Variants in EIF4EBP1 observed in about 807,000 individuals in gnomAD.
EIF4EBP1 encodes the protein eukaryotic translation initiation factor 4E binding protein 1.
EIF4EBP1 carries 5 observed loss-of-function variants against 9.2 expected under a neutral mutation model. The observed-to-expected ratio is 0.54, with a 90% confidence interval of 0.28 to 1.14. EIF4EBP1 has a LOEUF of 1.14. Among genes scored for constraint, EIF4EBP1 ranks in the 50% most tolerant of loss-of-function variants. EIF4EBP1 has a pLI of 0.09. For synonymous variants in EIF4EBP1, 62 were observed against 67.0 expected (o/e 0.93, Z 0.36); for missense variants, 139 against 169.6 (o/e 0.82, Z 1.00).
intron 1 of EIF4EBP1, among the ~76,000 whole-genome samples, chr8:38,052,223 G>A (rs1425253742): frequency 6.6e-6 from 1 of 151,680 alleles, no homozygotes; most frequent in Non-Finnish European, 1.5e-5. Flanking sequence ...CCAGCACCAA[G>A]TAGCTCTGCA....
At chr8:38,045,081 A>G (rs1487809015) in intron 1 of EIF4EBP1, among the ~76,000 whole-genome samples, 1 of 152,194 alleles carries the variant, frequency 6.6e-6, no homozygotes, top group African/African-American at 2.4e-5. Context: ...TTTCTCTTTA[A>G]CAGCAATTAT....
chr8:38,049,887 A>G (rs1284733144), intron 1 of EIF4EBP1, among the ~76,000 whole-genome samples: 1 of 149,188 alleles, frequency 6.7e-6, no homozygotes, highest in Admixed American at 6.8e-5. Context: ...CTTTTTGCCT[A>G]TTGTTCATCT....
chr8:38,056,006 C>T (rs990023805), intron 1 of EIF4EBP1, among the ~76,000 whole-genome samples: 3 of 151,924 alleles, frequency 2.0e-5, no homozygotes, highest in Admixed American at 6.6e-5. Context: ...GGCTCTTCTC[C>T]GCAAAGCCCA....
At chr8:38,042,426 C>T (rs1252747731) in intron 1 of EIF4EBP1, among the ~76,000 whole-genome samples, 1 of 152,104 alleles carries the variant, frequency 6.6e-6, no homozygotes, top group African/African-American at 2.4e-5. Flanking sequence ...GTAGAGTGGG[C>T]CTGCCTTAGT....
intron 1 of EIF4EBP1, among the ~76,000 whole-genome samples, chr8:38,053,216 C>T (rs77899531): frequency 6.6e-5 from 10 of 151,836 alleles, no homozygotes; most frequent in Non-Finnish European, 1.5e-4. Flanking sequence ...CAGGGTTTCA[C>T]CGTGTTGACC....
rs544157525 is a variant in EIF4EBP1, at chr8:38,060,328, G to C, written c.*393G>C. 1.4e-5 allele frequency: 4 copies of C among 280,350 alleles called. No homozygotes were observed. The East Asian group carries it at 3.5e-4, about 25-fold the overall frequency. The allele number at this position is 280,350 out of a possible 1,614,324, so 17.4% of individuals were successfully genotyped here. A position where few individuals can be genotyped will look rare whatever the true frequency, so the allele number is the denominator to read the frequency against. On this transcript the variant is annotated 3_prime_UTR_variant, in exon 3 of 3. Coordinates refer to ENST00000338825, the MANE Select transcript of EIF4EBP1 (RefSeq NM_004095.4). ...AAGCTCCCTCCCCCTCCTTCCCCAA[G>C]AGAGGAAATAAAAGCCACCTTCGCC...
chr8:38,042,398 GC>G (rs1211320888), intron 1 of EIF4EBP1, among the ~76,000 whole-genome samples: 4 of 152,166 alleles, frequency 2.6e-5, no homozygotes, highest in Non-Finnish European at 4.4e-5. Flanking sequence ...TCTCTCTTCT[GC>G]CCTTCTGAAC....
In EIF4EBP1 at chr8:38,056,372, TCCC is replaced by T. The variant is rs1809594809; in HGVS notation, c.146-708_146-706del. Among the ~76,000 whole-genome samples, 5 of 152,334 alleles carry T rather than the reference TCCC, an allele frequency of 3.3e-5. No homozygotes were observed. The South Asian group carries it at 1.0e-3, about 32-fold the overall frequency. On this transcript the variant is annotated intron_variant, in intron 1 of 2. Coordinates refer to ENST00000338825, the MANE Select transcript of EIF4EBP1 (RefSeq NM_004095.4). Reference sequence around the variant, plus strand: ...TTGTAAAATGCAGCTATTCTGGGTATCCCACAGGAGTGCTGTAAGGACAGGACT... The same window carrying T: ...TTGTAAAATGCAGCTATTCTGGGTATACAGGAGTGCTGTAAGGACAGGACT...
intron 1 of EIF4EBP1, among the ~76,000 whole-genome samples, chr8:38,055,209 T>C (rs1181252301): frequency 1.3e-5 from 2 of 152,196 alleles, no homozygotes; most frequent in Non-Finnish European, 2.9e-5. Context: ...GAGCCCCGTT[T>C]CAGGAACTCA....
At chr8:38,055,065 C>A (rs1182073241) in intron 1 of EIF4EBP1, among the ~76,000 whole-genome samples, 1 of 152,146 alleles carries the variant, frequency 6.6e-6, no homozygotes, top group African/African-American at 2.4e-5. Flanking sequence ...TGCAAGGGGA[C>A]AGGAGAGTAA....
chr8:38,034,598 T>C (rs1046200501), intron 1 of EIF4EBP1, among the ~76,000 whole-genome samples: 1 of 152,180 alleles, frequency 6.6e-6, no homozygotes, highest in African/African-American at 2.4e-5. Context: ...CATGTTTGAC[T>C]CTGAAGCCTA....
chr8:38,035,137 C>T (rs1809281116), intron 1 of EIF4EBP1, among the ~76,000 whole-genome samples: 1 of 152,168 alleles, frequency 6.6e-6, no homozygotes, highest in Admixed American at 6.5e-5. Context: ...GCATTCCACA[C>T]TGTGTCCCTT....
At chr8:38,036,182 T>A (rs757341231) in intron 1 of EIF4EBP1, among the ~76,000 whole-genome samples, 21 of 152,064 alleles carry the variant, frequency 1.4e-4, no homozygotes, top group Non-Finnish European at 2.9e-4. Context: ...GACAGGGTCA[T>A]GCTTTGCTTC....
chr8:38,045,464 G>T (rs540974583), intron 1 of EIF4EBP1, among the ~76,000 whole-genome samples: 1 of 152,092 alleles, frequency 6.6e-6, no homozygotes, highest in Non-Finnish European at 1.5e-5. Context: ...CAGAACTTTG[G>T]GAGGCCGAGG....
At chr8:38,049,089 C>T (rs1391097610) in intron 1 of EIF4EBP1, among the ~76,000 whole-genome samples, 1 of 148,796 alleles carries the variant, frequency 6.7e-6, no homozygotes, top group Non-Finnish European at 1.5e-5. Context: ...TGCGCCATTG[C>T]ACTCCATCCT....
At chr8:38,053,468 T>C (rs928656932) in intron 1 of EIF4EBP1, among the ~76,000 whole-genome samples, 1 of 150,434 alleles carries the variant, frequency 6.6e-6, no homozygotes, top group Non-Finnish European at 1.5e-5. Context: ...TTCTCCTGCC[T>C]CAGTCCAGAG....
rs780207413 is a variant in EIF4EBP1 at position 38,057,036 on chromosome 8, C to T, written c.146-45C>T. 1.6e-5 allele frequency: 26 copies of T among 1,593,116 alleles called. No homozygotes were observed. The East Asian group carries it at 3.4e-4, about 21-fold the overall frequency. ...TTTAAAAAGTGGAAAAACCGGCAGG[C>T]AAGAGGCTGCAGATGGCTTGACCAA... On this transcript the variant is annotated intron_variant, in intron 1 of 2. Coordinates refer to ENST00000338825, the MANE Select transcript of EIF4EBP1 (RefSeq NM_004095.4).
At chr8:38,038,897 C>T (rs1809338260) in intron 1 of EIF4EBP1, among the ~76,000 whole-genome samples, 1 of 150,806 alleles carries the variant, frequency 6.6e-6, no homozygotes, top group South Asian at 2.1e-4. Context: ...TTCCTTAAAA[C>T]ATTATGAAAT....
chr8:38,053,074 A>G (rs1369910519), intron 1 of EIF4EBP1, among the ~76,000 whole-genome samples: 1 of 152,146 alleles, frequency 6.6e-6, no homozygotes, highest in Non-Finnish European at 1.5e-5. Context: ...GCTGGAGTGT[A>G]GTGGCATGAT....
Sources: gnomAD v4.1 joint callset for allele counts (sites outside exome capture counted in the v4.1 genomes callset) on GRCh38, gnomAD v4.1.1 for gene constraint, MANE v1.5 for transcripts, NCBI Gene and HGNC (gene_info 2026-07-23, HGNC 2026-07-21) for gene names.